Variants in DTNA observed in about 807,000 individuals in gnomAD.
DTNA encodes dystrobrevin alpha, also known as dystrophin-related protein 3.
DTNA carries 43 observed loss-of-function variants against 100.7 expected under a neutral mutation model. The observed-to-expected ratio is 0.43, with a 90% confidence interval of 0.33 to 0.55. DTNA has a LOEUF of 0.55. Among genes scored for constraint, DTNA ranks in the 20% least tolerant of loss-of-function variants. The probability of loss-of-function intolerance (pLI) is 0.04; values close to 1 mark genes in which losing one functional copy is unlikely to be tolerated. For missense variants in DTNA, 798 were observed against 953.9 expected (o/e 0.84, Z 2.15); for synonymous variants, 349 against 347.9 (o/e 1.00, Z -0.04).
chr18:34,774,813 G>A (rs190896006), intron 3 of DTNA, among the ~76,000 whole-genome samples: 29 of 152,276 alleles, frequency 1.9e-4, no homozygotes, highest in African/African-American at 3.4e-4. Flanking sequence ...TTAAAAGAGA[G>A]GTTGCTTCCA....
rs555046514 is a variant in DTNA at position 34,659,364 on chromosome 18, T to G, written c.-1-96612T>G. ...TTTATTCCTTTTTTGTACTGTATGC[T>G]TGAAATCCTGTGTAGATTTTACACT... On this transcript the variant is annotated intron_variant, in intron 1 of 19. Transcript: ENST00000283365. Among the ~76,000 whole-genome samples the G allele has an allele frequency of 3.1e-3, 471 of 152,330 alleles. 2 individuals carry two copies. Among genetic ancestry groups the G allele is most frequent in the African/African-American group, 0.011 (439 of 41,582 alleles).
intron 1 of DTNA, among the ~76,000 whole-genome samples, chr18:34,635,598 T>G (rs2058579883): frequency 6.6e-6 from 1 of 152,222 alleles, no homozygotes. Flanking sequence ...TTAACTTAGG[T>G]ATGATTTTAT....
chr18:34,807,839 C>T (rs917889238), intron 5 of DTNA, among the ~76,000 whole-genome samples: 2 of 143,834 alleles, frequency 1.4e-5, no homozygotes, highest in Admixed American at 7.1e-5. Flanking sequence ...GTGCTGACAC[C>T]GAGGGCTTTT....
At chr18:34,868,626 G>A (rs1258459124) in intron 17 of DTNA, 1 of 985,278 alleles carries the variant, frequency 1.0e-6, no homozygotes, top group African/African-American at 1.7e-5. Flanking sequence ...TCATAAGTCT[G>A]TGTGGTTCAA....
chr18:34,589,895 C>T (rs986490337), intron 1 of DTNA, among the ~76,000 whole-genome samples: 8 of 152,140 alleles, frequency 5.3e-5, no homozygotes, highest in African/African-American at 1.9e-4. Context: ...TTTCACTTGG[C>T]ATAATGTCCT....
intron 17 of DTNA, chr18:34,868,659 A>T: frequency 1.0e-6 from 1 of 985,432 alleles, no homozygotes. Flanking sequence ...TTATACTGGC[A>T]TATATAATTT....
At chr18:34,688,581 C>A (rs1244928606) in intron 1 of DTNA, among the ~76,000 whole-genome samples, 1 of 152,082 alleles carries the variant, frequency 6.6e-6, no homozygotes, top group Non-Finnish European at 1.5e-5. Flanking sequence ...AACATTTTTT[C>A]CTTCATTTCA....
chr18:34,814,081 G>A (rs1032338066), intron 6 of DTNA, among the ~76,000 whole-genome samples: 1 of 152,032 alleles, frequency 6.6e-6, no homozygotes, highest in Non-Finnish European at 1.5e-5. Flanking sequence ...TGAGGGCAGG[G>A]GGCTGAGTTT....
At position 34,766,058 on chromosome 18, in the gene DTNA, T is replaced by A; in HGVS notation, c.148+17T>A. On this transcript the variant is annotated intron_variant, in intron 3 of 22. Transcript: ENST00000444659. ...AATGCAATTGTAAGTATGCCAGTTGTTTGGACTAATTACCATCATGAATCC... is the reference window on the plus strand; with the variant it reads ...AATGCAATTGTAAGTATGCCAGTTGATTGGACTAATTACCATCATGAATCC... 6.2e-7 allele frequency: 1 copy of A among 1,612,102 alleles called. No individual in the cohort carries two copies. The highest frequency in any genetic ancestry group is 8.5e-7 in the Non-Finnish European group (1 of 1,178,458).
rs539027689 is a variant in DTNA at position 34,635,819 on chromosome 18, A to T, written c.-1-120157A>T. On this transcript the variant is annotated intron_variant, in intron 1 of 19. Coordinates refer to the DTNA transcript ENST00000283365. ...ACAAAGGCAAGTTTTCCAAAATTCT[A>T]ATTTTTGCTAGAAAGCTCCAATTTT... 6.6e-5 allele frequency among the ~76,000 whole-genome samples: 10 copies of T among 152,284 alleles called. No homozygotes were observed. In the East Asian group the frequency reaches 1.9e-3, roughly 29 times the overall value.
intron 1 of DTNA, among the ~76,000 whole-genome samples, chr18:34,600,034 C>T (rs2051462442): frequency 6.6e-6 from 1 of 152,038 alleles, no homozygotes; most frequent in East Asian, 1.9e-4. Context: ...TCTTAATCTC[C>T]ACACATATTT....
chr18:34,539,351 A>G lies in DTNA; in HGVS notation c.-2+45837A>G, dbSNP rs548115433. On this transcript the variant is annotated intron_variant, in intron 1 of 19. Coordinates refer to the DTNA transcript ENST00000283365. ...AAATTTGAATTCTAAATTTGATTGT[A>G]GATTCTAGTTTCTTAAAGTTAAACT... 1.4e-4 allele frequency among the ~76,000 whole-genome samples: 21 copies of G among 152,032 alleles called. 1 individual carries two copies. In the South Asian group the frequency reaches 2.5e-3, roughly 18 times the overall value.
chr18:34,636,691 T>C (rs549336491), intron 1 of DTNA, among the ~76,000 whole-genome samples: 2 of 152,294 alleles, frequency 1.3e-5, no homozygotes, highest in East Asian at 3.9e-4. Context: ...CAGGAGCCCA[T>C]GGATCACCCT....
chr18:34,775,827 ACTTAACTC>A (rs1468553044), intron 3 of DTNA, among the ~76,000 whole-genome samples: 1 of 152,246 alleles, frequency 6.6e-6, no homozygotes, highest in Non-Finnish European at 1.5e-5. Context: ...GTCATGCCAT[ACTTAACTC>A]CTTAACTACA....
intron 1 of DTNA, among the ~76,000 whole-genome samples, chr18:34,618,174 A>G (rs932630060): frequency 1.3e-5 from 2 of 152,162 alleles, no homozygotes; most frequent in Admixed American, 6.5e-5. Context: ...AAGGGTCAAG[A>G]GTCGAACTCA....
At position 34,891,146 on chromosome 18, in the gene DTNA, T is replaced by C. The variant is rs1036995221; in HGVS notation, c.*3412T>C. The C allele has an allele frequency of 6.6e-6, 1 of 152,486 alleles. No individual in the cohort carries two copies. The highest frequency in any genetic ancestry group is 6.5e-5 in the Admixed American group (1 of 15,280). The allele number at this position is 152,486 out of a possible 1,614,324, so 9.4% of individuals were successfully genotyped here. A position where few individuals can be genotyped will look rare whatever the true frequency, so the allele number is the denominator to read the frequency against. ...GTAAGACATTTTTAATTATGACTAC[T>C]GCAATTTGACACCATTTGAAATAAT... On this transcript the variant is annotated 3_prime_UTR_variant, in exon 23 of 23. Transcript: ENST00000444659.
In DTNA at chr18:34,526,245, T is replaced by G. The variant is rs1054513058; in HGVS notation, c.-2+32731T>G. On this transcript the variant is annotated intron_variant, in intron 1 of 19. Transcript: ENST00000283365. Reference sequence around the variant, plus strand: ...AGACTTAAAGAGGAATCGTTGTGATTTAATGACCTTTGTCTTCTGCAGTAT... The same window carrying G: ...AGACTTAAAGAGGAATCGTTGTGATGTAATGACCTTTGTCTTCTGCAGTAT... Among the ~76,000 whole-genome samples the G allele has an allele frequency of 3.9e-5, 6 of 152,154 alleles. 1 individual carries two copies. The highest frequency in any genetic ancestry group is 2.9e-5 in the Non-Finnish European group (2 of 68,012).
chr18:34,677,646 T>A (rs1324602894), intron 1 of DTNA, among the ~76,000 whole-genome samples: 1 of 152,188 alleles, frequency 6.6e-6, no homozygotes, highest in Admixed American at 6.5e-5. Flanking sequence ...ATATAATTTA[T>A]TCTCAGATAC....
chr18:34,872,405 C>T (rs1298443981), intron 17 of DTNA, among the ~76,000 whole-genome samples: 6 of 152,166 alleles, frequency 3.9e-5, no homozygotes, highest in Non-Finnish European at 8.8e-5. Context: ...CCAGAACAGA[C>T]ATTAAAGTAG....
Sources: gnomAD v4.1 joint callset for allele counts (sites outside exome capture counted in the v4.1 genomes callset) on GRCh38, gnomAD v4.1.1 for gene constraint, MANE v1.5 for transcripts, NCBI Gene and HGNC (gene_info 2026-07-23, HGNC 2026-07-21) for gene names.